The following MYOM2 variants were observed in gnomAD, a reference collection of about 807,000 sequenced individuals.
MYOM2 encodes myomesin 2, also known as myomesin-2.
MYOM2 carries 254 observed loss-of-function variants against 187.6 expected under a neutral mutation model. The ratio of observed to expected loss-of-function variants is 1.35; its 90% confidence interval spans 1.22 to 1.50. The LOEUF (loss-of-function observed/expected upper bound fraction) is 1.50, where lower values mean the gene tolerates loss of function less well. Ranked by LOEUF, MYOM2 falls within the 40% of genes most tolerant of loss-of-function variation. MYOM2 has a pLI of 0.00. For synonymous variants in MYOM2, 981 were observed against 753.8 expected (o/e 1.30, Z -4.94); for missense variants, 2,796 against 1,924.0 (o/e 1.45, Z -8.48).
chr8:2,077,997 C>T (rs994253175), intron 11 of MYOM2, among the ~76,000 whole-genome samples: 2 of 152,168 alleles, frequency 1.3e-5, no homozygotes, highest in East Asian at 1.9e-4. Flanking sequence ...GGTTCTTTCC[C>T]AGATGAAGGC....
chr8:2,086,937 CT>C (rs11381618), intron 14 of MYOM2, among the ~76,000 whole-genome samples: 1,793 of 149,232 alleles, frequency 0.012, 38 homozygotes, highest in African/African-American at 0.041. Context: ...CAATAGAAAG[CT>C]TTTTTTTTTT....
At chr8:2,053,697 G>T (rs1818564852) in intron 3 of MYOM2, among the ~76,000 whole-genome samples, 1 of 152,212 alleles carries the variant, frequency 6.6e-6, no homozygotes, top group African/African-American at 2.4e-5. Context: ...TGGTGAAGGG[G>T]TTATGTTCTC....
At position 2,073,459 on chromosome 8, in the gene MYOM2, G is replaced by C; in HGVS notation, c.1079G>C (p.Arg360Pro). ...CTGTACACCCTGCGCATCGTGTCTC[G>C]GGGCGGCGTCAGCGACCACAGCGCC... is the stretch of plus-strand genomic sequence containing the variant. ...EGLYTLRIVS[R>P]GGVSDHSAFL... Residue 360 changes from arginine to proline, a missense_variant, in exon 10 of 37, where the codon CGG (arginine) becomes CCG (proline). By Grantham distance (103) the Arg-to-Pro change is moderately radical. Coordinates refer to ENST00000262113, the MANE Select transcript of MYOM2 (RefSeq NM_003970.4). 6.2e-7 allele frequency: 1 copy of C among 1,610,262 alleles called. No individual in the cohort carries two copies. The highest frequency in any genetic ancestry group is 8.5e-7 in the Non-Finnish European group (1 of 1,179,568).
intron 25 of MYOM2, among the ~76,000 whole-genome samples, chr8:2,112,787 G>A (rs1448520050): frequency 6.6e-6 from 1 of 152,212 alleles, no homozygotes; most frequent in Non-Finnish European, 1.5e-5. Flanking sequence ...TGATTTATCA[G>A]AAGAAGGTTG....
At position 2,100,129 on chromosome 8, in the gene MYOM2, T is replaced by TTCCTTCCTTCC. The variant is rs1796648799; in HGVS notation, c.2441-746_2441-745insCCTTCCTTCCT. On this transcript the variant is annotated intron_variant, in intron 19 of 36. Coordinates refer to ENST00000262113, the MANE Select transcript of MYOM2 (RefSeq NM_003970.4). ...CCTTCTTTCTTTCCTTCCTTCCTTC[T>TTCCTTCCTTCC]TTCCTTCCTTCCTTCCTTCCTTCCT... Among the ~76,000 whole-genome samples, 37 of 45,574 alleles carry TTCCTTCCTTCC rather than the reference T, an allele frequency of 8.1e-4. 1 individual carries two copies. Among genetic ancestry groups the TTCCTTCCTTCC allele is most frequent in the African/African-American group, 2.9e-3 (36 of 12,300 alleles). The allele number at this position is 45,574 out of a possible 152,430, so 29.9% of individuals were successfully genotyped here. A position where few individuals can be genotyped will look rare whatever the true frequency, so the allele number is the denominator to read the frequency against.
Position 2,093,992 on chromosome 8 carries a change from A to T in MYOM2, c.2026A>T (p.Thr676Ser), listed in dbSNP as rs146301966. 1.7e-5 allele frequency: 28 copies of T among 1,614,014 alleles called. No homozygotes were observed. Among genetic ancestry groups the T allele is most frequent in the Non-Finnish European group, 2.4e-5 (28 of 1,180,030 alleles). Residue 676 changes from threonine to serine, a missense_variant, in exon 17 of 37, where the codon ACG (threonine) becomes TCG (serine). Transcript: ENST00000262113. ...CAGGTTCGTGGTGCACGGCTTAACC[A>T]CGGGAGAGCAGTACATCTTCCGAGT... ...YNRFVVHGLT[T>S]GEQYIFRVKA... is the part of the protein sequence containing the mutation.
At position 2,099,118 on chromosome 8, in the gene MYOM2, C is replaced by T. The variant is rs982629736; in HGVS notation, c.2440+135C>T. The T allele has an allele frequency of 3.2e-5, 39 of 1,226,844 alleles. 3 individuals are homozygous for T. In the South Asian group the frequency reaches 5.5e-4, roughly 17 times the overall value. 76.0% of individuals were successfully genotyped at this position (1,226,844 alleles called of 1,614,324 possible). On this transcript the variant is annotated intron_variant, in intron 19 of 36. Transcript: ENST00000262113. ...CCGACACCCGCAGCCGCAGAGCCAC[C>T]GTGCGCCAGGCGCCGTGCAGGGCTG...
intron 11 of MYOM2, among the ~76,000 whole-genome samples, chr8:2,077,810 G>A (rs756705594): frequency 3.3e-5 from 5 of 152,234 alleles, no homozygotes; most frequent in African/African-American, 9.6e-5. Flanking sequence ...GAAGTGGGGG[G>A]TGCAGCTCCT....
intron 32 of MYOM2, among the ~76,000 whole-genome samples, chr8:2,132,454 A>C (rs150292655): frequency 6.6e-6 from 1 of 152,212 alleles, no homozygotes; most frequent in Non-Finnish European, 1.5e-5. Flanking sequence ...AAGAGAAAAG[A>C]TTTTGTTCTC....
rs1459364432 is a variant in MYOM2, at chr8:2,079,628, A to G, written c.1516+15A>G. 9 of 1,613,320 alleles carry G rather than the reference A, an allele frequency of 5.6e-6. No individual in the cohort carries two copies. In the South Asian group the frequency reaches 8.8e-5, roughly 16 times the overall value. ...TGACCTTGAAGGTAAGTAGCACCTCATCACCCCAGCTGCTCAGCCCCTGGG... is the reference window on the plus strand; with the variant it reads ...TGACCTTGAAGGTAAGTAGCACCTCGTCACCCCAGCTGCTCAGCCCCTGGG... On this transcript the variant is annotated intron_variant, in intron 13 of 36. Coordinates refer to ENST00000262113, the MANE Select transcript of MYOM2 (RefSeq NM_003970.4).
At chr8:2,128,706 C>T (rs761807718) in intron 31 of MYOM2, among the ~76,000 whole-genome samples, 12 of 152,192 alleles carry the variant, frequency 7.9e-5, no homozygotes, top group Admixed American at 2.0e-4. Context: ...GTGCTCCCAT[C>T]TGCTTGACTC....
At chr8:2,048,981 C>T (rs928301327) in intron 1 of MYOM2, among the ~76,000 whole-genome samples, 3 of 151,808 alleles carry the variant, frequency 2.0e-5, no homozygotes, top group Non-Finnish European at 2.9e-5. Context: ...TTAGTAGAGA[C>T]GGGGTTTCAC....
intron 32 of MYOM2, among the ~76,000 whole-genome samples, chr8:2,130,244 C>T (rs1303612381): frequency 1.4e-5 from 2 of 141,292 alleles, no homozygotes; most frequent in Non-Finnish European, 3.0e-5. Context: ...AGGGCGCCCA[C>T]ACCCCGCCTT....
Position 2,123,350 on chromosome 8 carries a change from G to A in MYOM2, c.3552G>A (p.Glu1184=). 6.2e-7 allele frequency: 1 copy of A among 1,611,018 alleles called. No individual in the cohort carries two copies. The highest frequency in any genetic ancestry group is 1.1e-5 in the South Asian group (1 of 90,830). ...TLPNLERGIC[E]LLIPKLSKKD... is the part of the protein sequence containing the mutation. ...CTAACCTGGAGAGGGGAATCTGTGA[G>A]CTCCTCATCCCAAAGGTATCAGGCA... The change falls in exon 29 of 37, where the codon GAG becomes GAA. Residue 1184 remains glutamate, a synonymous_variant. Transcript: ENST00000262113.
intron 8 of MYOM2, among the ~76,000 whole-genome samples, chr8:2,070,367 G>A (rs925278273): frequency 1.4e-4 from 21 of 152,318 alleles, no homozygotes; most frequent in African/African-American, 4.8e-4. Flanking sequence ...GCTGCTGGCC[G>A]CTGTGGGCGT....
At chr8:2,142,479 T>C in intron 35 of MYOM2, 82 bp downstream of exon 35, 1 of 1,392,584 alleles carries the variant, frequency 7.2e-7, no homozygotes, top group Non-Finnish European at 1.0e-6. Flanking sequence ...GGACCAACTT[T>C]GTGTATTAAA....
intron 3 of MYOM2, among the ~76,000 whole-genome samples, chr8:2,053,797 G>T (rs1818568718): frequency 6.6e-6 from 1 of 152,220 alleles, no homozygotes; most frequent in Non-Finnish European, 1.5e-5. Flanking sequence ...TCAGCTTTGT[G>T]TGGAGCCCAC....
intron 13 of MYOM2, among the ~76,000 whole-genome samples, chr8:2,083,974 A>T (rs1209970848): frequency 6.6e-6 from 1 of 152,248 alleles, no homozygotes; most frequent in Non-Finnish European, 1.5e-5. Flanking sequence ...TGCTGCTGTC[A>T]GCGGCTCACA....
chr8:2,073,858 G>A (rs1819323537), intron 10 of MYOM2, among the ~76,000 whole-genome samples: 1 of 152,184 alleles, frequency 6.6e-6, no homozygotes, highest in South Asian at 2.1e-4. Context: ...GCACAGTGTT[G>A]GAGTCCCAGG....
Sources: gnomAD v4.1 joint callset for allele counts (sites outside exome capture counted in the v4.1 genomes callset) on GRCh38, gnomAD v4.1.1 for gene constraint, MANE v1.5 for transcripts, NCBI Gene and HGNC (gene_info 2026-07-23, HGNC 2026-07-21) for gene names.